The following CHRNA2 variants were observed in gnomAD, a reference collection of about 807,000 sequenced individuals.
CHRNA2 encodes the protein neuronal acetylcholine receptor subunit alpha-2.
In CHRNA2, 40 loss-of-function variants were observed where a neutral mutation model predicts 45.5. The observed-to-expected ratio is 0.88, with a 90% confidence interval of 0.68 to 1.15. The LOEUF (loss-of-function observed/expected upper bound fraction) is 1.15. Among genes scored for constraint, CHRNA2 ranks in the 50% most tolerant of loss-of-function variants. CHRNA2 has a pLI of 0.00. For synonymous variants in CHRNA2, 301 were observed against 296.7 expected (o/e 1.01, Z -0.15); for missense variants, 655 against 701.7 (o/e 0.93, Z 0.75).
rs757019076 is a variant in CHRNA2 at position 27,463,071 on chromosome 8, C to T, written c.1372G>A (p.Gly458Ser). Residue 458 changes from glycine (G) to serine (S), a missense_variant, in exon 6 of 7, where the codon GGT (glycine) becomes AGT (serine). By Grantham distance (56) the Gly-to-Ser change is moderately conservative. This residue lies in a region of CHRNA2 where 295 missense variants were observed against 280.4 expected (regional missense o/e 1.05). Transcript: ENST00000407991. This position sits in a 1 kb window ranked among gnomAD's most constrained non-coding sequence, Gnocchi z 6.1. ...GPKAEALLQE[G>S]ELLLSPHMQK... ...ATGTGGGGTGATAGCAGCAGCTCAC[C>T]CTCCTGCAGCAGAGCCTCAGCCTTG... 11 of 1,612,742 alleles carry T rather than the reference C, an allele frequency of 6.8e-6. No individual in the cohort carries two copies. The highest frequency in any genetic ancestry group is 9.3e-6 in the Non-Finnish European group (11 of 1,178,942).
intron 1 of CHRNA2, among the ~76,000 whole-genome samples, chr8:27,478,524 A>G (rs1003291061): frequency 5.3e-5 from 8 of 152,252 alleles, no homozygotes; most frequent in African/African-American, 1.9e-4. Flanking sequence ...GAGTAAATAA[A>G]TGAACAAAAG....
intron 1 of CHRNA2, among the ~76,000 whole-genome samples, chr8:27,473,525 C>CCA (rs1812958906): frequency 4.3e-5 from 2 of 47,050 alleles, no homozygotes; most frequent in African/African-American, 2.6e-4. Flanking sequence ...CATAGTGAGA[C>CCA]CCCCCCCGCC....
chr8:27,472,876 C>T (rs1164958746), intron 1 of CHRNA2, among the ~76,000 whole-genome samples: 1 of 152,076 alleles, frequency 6.6e-6, no homozygotes, highest in Non-Finnish European at 1.5e-5. Flanking sequence ...GCAGCAGCTA[C>T]CCCTCTTGAC....
In CHRNA2 at chr8:27,460,779, A is replaced by G. The variant is rs779472219; in HGVS notation, c.*850T>C. 3.9e-5 allele frequency: 6 copies of G among 152,226 alleles called. No individual in the cohort carries two copies. Among genetic ancestry groups the G allele is most frequent in the Non-Finnish European group, 8.8e-5 (6 of 68,122 alleles). The allele number at this position is 152,226 out of a possible 1,614,324, so 9.4% of individuals were successfully genotyped here. On this transcript the variant is annotated 3_prime_UTR_variant, in exon 7 of 7. Transcript: ENST00000407991. ...TTGCCTGCTGCACGCGTAGGGACAT[A>G]TGGAGCCCCTGCAGGCCATGGCTCT...
At chr8:27,467,746 T>G (rs1337521767) in intron 4 of CHRNA2, among the ~76,000 whole-genome samples, 2 of 152,170 alleles carry the variant, frequency 1.3e-5, no homozygotes, top group African/African-American at 4.8e-5. Flanking sequence ...AAGCGGGGAA[T>G]GCAGAGCAGG....
At chr8:27,464,028 A>C in intron 5 of CHRNA2, 35 bp from the exon 6 acceptor site, 1 of 1,611,540 alleles carries the variant, frequency 6.2e-7, no homozygotes, top group Non-Finnish European at 8.5e-7. Flanking sequence ...AGACCCCTGC[A>C]CACCCACCTG....
At chr8:27,467,438 C>G in intron 4 of CHRNA2, 100 bp from the exon 5 acceptor site, 1 of 916,202 alleles carries the variant, frequency 1.1e-6, no homozygotes, top group South Asian at 1.4e-5. Context: ...CCAAGCAGCC[C>G]CCTTGGAGCA....
intron 1 of CHRNA2, among the ~76,000 whole-genome samples, chr8:27,472,717 G>A (rs1199052950): frequency 6.6e-6 from 1 of 152,156 alleles, no homozygotes; most frequent in Non-Finnish European, 1.5e-5. Context: ...AGAGATCTCT[G>A]GAACTAGACG....
At chr8:27,472,769 G>A (rs2741341) in intron 1 of CHRNA2, among the ~76,000 whole-genome samples, 72,718 of 151,940 alleles carry the variant, frequency 0.48, 18,895 homozygotes, top group East Asian at 0.61. Context: ...AAAATTCACC[G>A]AATTGCACAC....
intron 6 of CHRNA2, among the ~76,000 whole-genome samples, chr8:27,462,012 CCTAGA>C (rs1218308109): frequency 6.6e-6 from 1 of 152,226 alleles, no homozygotes; most frequent in Non-Finnish European, 1.5e-5. Flanking sequence ...ATATTATGCT[CCTAGA>C]CTATAGGTAA....
chr8:27,461,376 C>G lies in CHRNA2; in HGVS notation c.*253G>C. On this transcript the variant is annotated 3_prime_UTR_variant, in exon 7 of 7. Transcript: ENST00000407991. The stretch of plus-strand genomic sequence containing the variant: ...AATCTTACTCTGCCCCACTTGGTCA[C>G]CACACTATTGCGACCTTCTGCAGAG... The G allele has an allele frequency of 1.9e-6, 1 of 532,922 alleles. No homozygotes were observed. The highest frequency in any genetic ancestry group is 3.4e-6 in the Non-Finnish European group (1 of 296,852). 33.0% of individuals were successfully genotyped at this position (532,922 alleles called of 1,614,324 possible). A position where few individuals can be genotyped will look rare whatever the true frequency, so the allele number is the denominator to read the frequency against.
In CHRNA2 at chr8:27,461,300, C is replaced by T. The variant is rs1484167615; in HGVS notation, c.*329G>A. On this transcript the variant is annotated 3_prime_UTR_variant, in exon 7 of 7. Coordinates refer to ENST00000407991, the MANE Select transcript of CHRNA2 (RefSeq NM_000742.4). ...TTCCTCGTCACCCTGGCCCCACTGTCCCCCTGGTTGACCCTTCTGTCACTT... is the reference window on the plus strand; with the variant it reads ...TTCCTCGTCACCCTGGCCCCACTGTTCCCCTGGTTGACCCTTCTGTCACTT... 5.7e-6 allele frequency: 2 copies of T among 351,756 alleles called. No individual in the cohort carries two copies. Among genetic ancestry groups the T allele is most frequent in the African/African-American group, 4.1e-5 (2 of 48,534 alleles). 21.8% of individuals were successfully genotyped at this position (351,756 alleles called of 1,614,324 possible). A position where few individuals can be genotyped will look rare whatever the true frequency, so the allele number is the denominator to read the frequency against.
chr8:27,473,529 C>CCCT (rs1554516129), intron 1 of CHRNA2, among the ~76,000 whole-genome samples: 2 of 123,328 alleles, frequency 1.6e-5, no homozygotes, highest in African/African-American at 5.9e-5. Flanking sequence ...GTGAGACCCC[C>CCCT]CCCGCCGTCT....
intron 6 of CHRNA2, 136 bp downstream of exon 6, chr8:27,462,843 C>T (rs1812539846): frequency 2.8e-6 from 3 of 1,055,714 alleles, no homozygotes; most frequent in Admixed American, 1.8e-5. Context: ...TTTATTCCAT[C>T]TAAGGACCAT....
chr8:27,463,487 G>C lies in CHRNA2; in HGVS notation c.956C>G (p.Pro319Arg), dbSNP rs750130500. 19 of 1,614,218 alleles carry C rather than the reference G, an allele frequency of 1.2e-5. No individual in the cohort carries two copies. Among genetic ancestry groups the C allele is most frequent in the East Asian group, 4.5e-5 (2 of 44,882 alleles). Residue 319 changes from proline (P) to arginine (R), a missense_variant, in exon 6 of 7, where the codon CCG becomes CGG. Transcript: ENST00000407991. The surrounding 1 kb of genome is among the most constrained non-coding windows in gnomAD (Gnocchi z 6.1). The part of the protein sequence containing the change: ...VFLLLITEII[P>R]STSLVIPLIG... ...GAGCGGGATGACCAGCGAGGTGGAC[G>C]GGATGATCTCAGTGATGAGCAGCAG...
chr8:27,475,872 A>C (rs1223663516), intron 1 of CHRNA2, among the ~76,000 whole-genome samples: 1 of 152,120 alleles, frequency 6.6e-6, no homozygotes, highest in Non-Finnish European at 1.5e-5. Flanking sequence ...GTCACTCCTT[A>C]AGGGTGACCA....
rs780056270 is a variant in CHRNA2 at position 27,463,429 on chromosome 8, G to A, written c.1014C>T (p.Phe338=). The change falls in exon 6 of 7, where the codon TTC becomes TTT. Residue 338 remains phenylalanine (F), a synonymous_variant. Coordinates refer to ENST00000407991, the MANE Select transcript of CHRNA2 (RefSeq NM_000742.4). This position sits in a 1 kb window ranked among gnomAD's most constrained non-coding sequence, Gnocchi z 6.1. ...CGGTGATGACGATGGACAGGGTGAC[G>A]AAGATCATGGTGAACAGCAGGTACT... ...IGEYLLFTMI[F]VTLSIVITVF... 1.3e-5 allele frequency: 21 copies of A among 1,614,100 alleles called. No homozygotes were observed. The highest frequency in any genetic ancestry group is 1.6e-4 in the Middle Eastern group (1 of 6,084).
At position 27,463,263 on chromosome 8, in the gene CHRNA2, G is replaced by A. The variant is rs1060503072; in HGVS notation, c.1180C>T (p.Arg394Cys). 11 of 1,604,648 alleles carry A rather than the reference G, an allele frequency of 6.9e-6. No homozygotes were observed. The highest frequency in any genetic ancestry group is 2.2e-5 in the South Asian group (2 of 90,036). ...PPPVELCHPLRLKLSPSYHWL... is the reference protein window; with the variant it reads ...PPPVELCHPLCLKLSPSYHWL... ...TGATAAGAGGGGCTGAGCTTCAGGC[G>A]TAGGGGGTGGCAGAGCTCCACGGGT... is the stretch of plus-strand genomic sequence containing the variant. The change falls in exon 6 of 7, where the codon CGC (arginine) becomes TGC (cysteine). Residue 394 changes from arginine (R) to cysteine (C), a missense_variant. Physicochemically the swap from Arg to Cys is radical, Grantham distance 180. This residue lies in a region of CHRNA2 where 295 missense variants were observed against 280.4 expected (regional missense o/e 1.05). Transcript: ENST00000407991. The surrounding 1 kb of genome is among the most constrained non-coding windows in gnomAD (Gnocchi z 6.1).
At position 27,468,778 on chromosome 8, in the gene CHRNA2, G is replaced by T. The variant is rs1351156666; in HGVS notation, c.339+557C>A. ...TCAAATATCACAAAGTAACCCTAGT[G>T]GTCACCATGTGAAGCAGAAGAAACC... On this transcript the variant is annotated intron_variant, in intron 4 of 6. Coordinates refer to ENST00000407991, the MANE Select transcript of CHRNA2 (RefSeq NM_000742.4). Among the ~76,000 whole-genome samples the T allele has an allele frequency of 2.6e-5, 4 of 152,186 alleles. No individual in the cohort carries two copies. In the East Asian group the frequency reaches 7.7e-4, roughly 29 times the overall value.
Sources: gnomAD v4.1 joint callset for allele counts (sites outside exome capture counted in the v4.1 genomes callset) on GRCh38, gnomAD v4.1.1 for gene constraint, gnomAD v4.1.1 regional missense constraint, Gnocchi (gnomAD v3.1) non-coding constraint, MANE v1.5 for transcripts, NCBI Gene and HGNC (gene_info 2026-07-23, HGNC 2026-07-21) for gene names.